The following PCNX1 variants were observed in gnomAD, a reference collection of about 807,000 sequenced individuals.
PCNX1 encodes the protein pecanex-like protein 1.
In PCNX1, 78 loss-of-function variants were observed where a neutral mutation model predicts 242.2. The observed-to-expected ratio is 0.32, with a 90% CI of 0.27 to 0.39. The LOEUF (loss-of-function observed/expected upper bound fraction) is 0.39, where lower values mean the gene tolerates loss of function less well. PCNX1 is among the 10% of genes least tolerant of loss of function. The pLI is 1.00. For synonymous variants in PCNX1, 1,024 were observed against 1,032.9 expected, an observed-to-expected ratio of 0.99 and a Z score of 0.17; for missense variants, 2,581 against 2,856.5, an observed-to-expected ratio of 0.90 and a Z score of 2.20.
At chr14:70,912,234 C>CAA (rs368805380) in intron 1 of PCNX1, among the ~76,000 whole-genome samples, 1 of 107,488 alleles carries the variant, frequency 9.3e-6, no homozygotes. Flanking sequence ...GACTCTGTCT[C>CAA]AAAAAAAAAA....
intron 2 of PCNX1, among the ~76,000 whole-genome samples, chr14:70,949,302 CATAT>C (rs1336291807): frequency 6.2e-4 from 91 of 146,320 alleles, no homozygotes; most frequent in African/African-American, 1.9e-3. Context: ...TGTGTACACA[CATAT>C]GTGTGTAGAT....
At chr14:70,955,923 A>G (rs2140413401) in intron 2 of PCNX1, among the ~76,000 whole-genome samples, 1 of 151,736 alleles carries the variant, frequency 6.6e-6, no homozygotes, top group East Asian at 1.9e-4. Context: ...TTCCTTTGAT[A>G]TCTCCTTTCT....
intron 24 of PCNX1, among the ~76,000 whole-genome samples, chr14:71,053,598 G>A (rs1010621818): frequency 8.6e-5 from 13 of 151,752 alleles, no homozygotes; most frequent in African/African-American, 2.9e-4. Context: ...GATTACAGGC[G>A]TGAGCCACTG....
chr14:71,047,648 C>T (rs1449202656), intron 21 of PCNX1, among the ~76,000 whole-genome samples, 159 bp from the exon 22 acceptor site: 1 of 152,098 alleles, frequency 6.6e-6, no homozygotes, highest in Non-Finnish European at 1.5e-5. Flanking sequence ...CAGATACTTT[C>T]AGGATGTGAT....
rs1242717593 is a variant in PCNX1 at position 71,107,036 on chromosome 14, A to G, written c.6302-1568A>G. Among the ~76,000 whole-genome samples, 3 of 152,118 alleles carry G rather than the reference A, an allele frequency of 2.0e-5. No homozygotes were observed. In the South Asian group the frequency reaches 6.2e-4, roughly 32 times the overall value. On this transcript the variant is annotated intron_variant, in intron 33 of 35. Transcript: ENST00000304743. ...AAATTTTCCCTGTCCCTAGGCCCTC[A>G]AAGTATGCTTTTATTAATTTCCCTT...
chr14:71,066,338 A>C (rs2061446429), intron 26 of PCNX1, among the ~76,000 whole-genome samples: 1 of 152,136 alleles, frequency 6.6e-6, no homozygotes, highest in African/African-American at 2.4e-5. Flanking sequence ...CATCCCTTGT[A>C]AGTTGTATTC....
intron 25 of PCNX1, among the ~76,000 whole-genome samples, chr14:71,056,684 C>CTT (rs555946611): frequency 1.4e-5 from 2 of 145,462 alleles, no homozygotes; most frequent in Non-Finnish European, 1.5e-5. Flanking sequence ...CTTTCTTTTT[C>CTT]TTTTTTTTTT....
intron 20 of PCNX1, among the ~76,000 whole-genome samples, chr14:71,045,564 T>G (rs560345866): frequency 5.8e-4 from 89 of 152,314 alleles, no homozygotes; most frequent in African/African-American, 2.1e-3. Flanking sequence ...TCCTCCTTTG[T>G]GTGTCCATTA....
At chr14:70,910,490 C>T (rs1243792047) in intron 1 of PCNX1, among the ~76,000 whole-genome samples, 1 of 151,952 alleles carries the variant, frequency 6.6e-6, no homozygotes, top group Non-Finnish European at 1.5e-5. Flanking sequence ...GTTCCTGCTT[C>T]AGCGCCTTTG....
chr14:70,914,393 T>G (rs1294409982), intron 1 of PCNX1, among the ~76,000 whole-genome samples: 1 of 152,164 alleles, frequency 6.6e-6, no homozygotes, highest in Non-Finnish European at 1.5e-5. Context: ...AAAAGTGTAT[T>G]AATTTACAAA....
At chr14:71,014,128 A>T (rs977792876) in intron 11 of PCNX1, among the ~76,000 whole-genome samples, 3 of 152,196 alleles carry the variant, frequency 2.0e-5, no homozygotes, top group African/African-American at 7.2e-5. Context: ...CAGATTGGAG[A>T]CATTTATGGT....
chr14:70,981,459 T>C (rs1365447943), intron 6 of PCNX1, among the ~76,000 whole-genome samples: 1 of 152,224 alleles, frequency 6.6e-6, no homozygotes, highest in African/African-American at 2.4e-5. Flanking sequence ...TTTAGTGACA[T>C]GGACCTTATT....
chr14:70,994,426 T>TATATAGATATATAG (rs1387360991), intron 7 of PCNX1, among the ~76,000 whole-genome samples: 2 of 114,984 alleles, frequency 1.7e-5, no homozygotes, highest in Non-Finnish European at 3.7e-5. Flanking sequence ...TATATATATA[T>TATATAGATATATAG]ATATGTATGT....
intron 1 of PCNX1, among the ~76,000 whole-genome samples, chr14:70,909,046 C>CTTTGAGGTTCTTTGTGGA: frequency 6.6e-6 from 1 of 152,252 alleles, no homozygotes; most frequent in Admixed American, 6.5e-5. Flanking sequence ...TTTCTGCTAA[C>CTTTGAGGTTCTTTGTGGA]TTTGAGGTTC....
chr14:71,023,365 C>T (rs1595278546), intron 13 of PCNX1, 133 bp downstream of exon 13: 3 of 677,676 alleles, frequency 4.4e-6, no homozygotes, highest in East Asian at 2.5e-5. Flanking sequence ...TTATTTTCCT[C>T]ATCTATGTTT....
intron 12 of PCNX1, 73 bp downstream of exon 12, chr14:71,019,235 C>A: frequency 8.6e-7 from 1 of 1,159,970 alleles, no homozygotes; most frequent in Non-Finnish European, 1.2e-6. Context: ...GTAGCAATTA[C>A]TGAATTATAG....
intron 6 of PCNX1, among the ~76,000 whole-genome samples, chr14:70,986,256 G>C (rs904978691): frequency 3.3e-5 from 5 of 152,152 alleles, no homozygotes; most frequent in Non-Finnish European, 1.5e-5. Flanking sequence ...GAAAATTCTT[G>C]TAACAGTAGG....
chr14:70,934,923 G>C (rs904802707), intron 1 of PCNX1, among the ~76,000 whole-genome samples: 8 of 152,156 alleles, frequency 5.3e-5, no homozygotes, highest in Admixed American at 3.9e-4. Flanking sequence ...AGCTGCTCTG[G>C]AATCAGCTGA....
chr14:71,029,899 C>T lies in PCNX1; in HGVS notation c.3558+1108C>T, dbSNP rs1161790647. On this transcript the variant is annotated intron_variant, in intron 16 of 35. Transcript: ENST00000304743. The stretch of plus-strand genomic sequence containing the variant: ...TCTTACCCACATTGTATGACTATAT[C>T]ACAGTTTACCTGCTGTGTTAGAGAT... Among the ~76,000 whole-genome samples, 3 of 152,152 alleles carry T rather than the reference C, an allele frequency of 2.0e-5. No homozygotes were observed. The East Asian group carries it at 5.8e-4, about 29-fold the overall frequency.
Sources: allele counts gnomAD v4.1 joint callset (sites outside exome capture counted in the v4.1 genomes callset), GRCh38; gene constraint gnomAD v4.1.1; transcripts MANE v1.5; gene names NCBI Gene and HGNC (gene_info 2026-07-23, HGNC 2026-07-21).